MBNL1: variants seen among roughly 807,000 people sequenced by gnomAD.
The protein encoded by MBNL1 is muscleblind-like protein 1.
In MBNL1, 8 loss-of-function variants were observed where a neutral mutation model predicts 42.2. The observed-to-expected ratio is 0.19, with a 90% CI of 0.11 to 0.34. MBNL1 has a LOEUF of 0.34. MBNL1 is among the 10% of genes least tolerant of loss of function. The pLI, the probability that MBNL1 is intolerant of heterozygous loss-of-function variation, is 1.00. For missense variants in MBNL1, 309 were observed against 495.3 expected (o/e 0.62, Z 3.57); for synonymous variants, 169 against 173.9 (o/e 0.97, Z 0.22).
At chr3:152,389,588 C>G (rs1163910064) in intron 2 of MBNL1, among the ~76,000 whole-genome samples, 2 of 152,062 alleles carry the variant, frequency 1.3e-5, no homozygotes, top group African/African-American at 4.8e-5. Context: ...GTACTGAATA[C>G]CAAGGGCAAT....
chr3:152,415,392 C>T (rs1246951382), intron 3 of MBNL1, among the ~76,000 whole-genome samples: 1 of 152,006 alleles, frequency 6.6e-6, no homozygotes, highest in African/African-American at 2.4e-5. Flanking sequence ...TGTTAAAATG[C>T]TCTGTGTTAC....
intron 2 of MBNL1, among the ~76,000 whole-genome samples, chr3:152,327,767 A>G (rs1000683005): frequency 3.3e-5 from 5 of 151,826 alleles, no homozygotes; most frequent in East Asian, 1.9e-4. Flanking sequence ...ATCATATACT[A>G]TATTTTTTTC....
rs1163714247 is a variant in MBNL1 at position 152,464,797 on chromosome 3, A to G, written c.*2431A>G. 6.6e-6 allele frequency: 1 copy of G among 152,662 alleles called. No individual in the cohort carries two copies. The highest frequency in any genetic ancestry group is 1.5e-5 in the Non-Finnish European group (1 of 68,034). The allele number at this position is 152,662 out of a possible 1,614,324, so 9.5% of individuals were successfully genotyped here. On this transcript the variant is annotated 3_prime_UTR_variant, in exon 10 of 10. Coordinates refer to ENST00000324210, the MANE Select transcript of MBNL1 (RefSeq NM_021038.5). The stretch of plus-strand genomic sequence containing the variant: ...ATTTAGCATGTTGGAACGTCTAGGG[A>G]GAAGGTTGACTTTTTGCACTTCTGT...
chr3:152,386,311 G>T (rs975470402), intron 2 of MBNL1, among the ~76,000 whole-genome samples: 3 of 151,996 alleles, frequency 2.0e-5, no homozygotes, highest in African/African-American at 7.2e-5. Flanking sequence ...TTGGGAAACT[G>T]TTACACCCTT....
intron 1 of MBNL1, among the ~76,000 whole-genome samples, chr3:152,276,321 T>C (rs997096193): frequency 1.3e-5 from 2 of 152,158 alleles, no homozygotes; most frequent in African/African-American, 2.4e-5. Flanking sequence ...AGAACAACCC[T>C]ATGGTATAGG....
At chr3:152,248,887 G>A (rs1483233902) in intron 2 of MBNL1, among the ~76,000 whole-genome samples, 5 of 151,818 alleles carry the variant, frequency 3.3e-5, no homozygotes, top group South Asian at 4.2e-4. Flanking sequence ...TTGTTCTTGC[G>A]ATAGTTTACT....
At chr3:152,276,301 T>C (rs896663665) in intron 1 of MBNL1, among the ~76,000 whole-genome samples, 5 of 152,180 alleles carry the variant, frequency 3.3e-5, no homozygotes, top group African/African-American at 9.6e-5. Context: ...AATTAATTCA[T>C]TTATTCCTCA....
intron 1 of MBNL1, among the ~76,000 whole-genome samples, chr3:152,297,158 G>C (rs1227826624): frequency 6.6e-6 from 1 of 151,838 alleles, no homozygotes; most frequent in Non-Finnish European, 1.5e-5. Flanking sequence ...CCATGCAGGT[G>C]GTCCATTCTC....
chr3:152,261,017 A>G (rs919169292), intron 2 of MBNL1, among the ~76,000 whole-genome samples: 1 of 152,180 alleles, frequency 6.6e-6, no homozygotes, highest in Non-Finnish European at 1.5e-5. Flanking sequence ...TTACTTGCCA[A>G]AGGAAAAAAT....
chr3:152,397,786 A>G (rs2098038997), intron 2 of MBNL1, among the ~76,000 whole-genome samples: 1 of 152,180 alleles, frequency 6.6e-6, no homozygotes, highest in South Asian at 2.1e-4. Flanking sequence ...CAATTCACAC[A>G]TGTAGAGAGG....
chr3:152,383,007 C>T (rs1021400559), intron 2 of MBNL1, among the ~76,000 whole-genome samples: 6 of 152,022 alleles, frequency 3.9e-5, no homozygotes, highest in Admixed American at 6.6e-5. Flanking sequence ...TGCCTGATTC[C>T]GTCTTTGGAC....
intron 2 of MBNL1, among the ~76,000 whole-genome samples, chr3:152,399,092 T>C (rs2098111623): frequency 6.6e-6 from 1 of 152,226 alleles, no homozygotes; most frequent in Non-Finnish European, 1.5e-5. Flanking sequence ...TATGCGTGCC[T>C]TGTTTCCTTT....
intron 2 of MBNL1, among the ~76,000 whole-genome samples, chr3:152,358,618 A>G (rs1475495886): frequency 6.6e-6 from 1 of 151,904 alleles, no homozygotes; most frequent in Non-Finnish European, 1.5e-5. Context: ...CCTTTTATTC[A>G]TGTTGCTAAA....
At chr3:152,269,499 C>T (rs759579506) in intron 1 of MBNL1, 3 of 455,196 alleles carry the variant, frequency 6.6e-6, no homozygotes, top group South Asian at 3.1e-5. Flanking sequence ...TTCCCGGCGG[C>T]TCCCGCATCC....
At chr3:152,331,025 A>G (rs1442429224) in intron 2 of MBNL1, among the ~76,000 whole-genome samples, 1 of 152,128 alleles carries the variant, frequency 6.6e-6, no homozygotes, top group Non-Finnish European at 1.5e-5. Flanking sequence ...TAACTTTTGC[A>G]GAAAGTAACC....
intron 6 of MBNL1, among the ~76,000 whole-genome samples, chr3:152,454,392 T>C (rs1209857961): frequency 6.6e-6 from 1 of 152,206 alleles, no homozygotes; most frequent in Non-Finnish European, 1.5e-5. Context: ...TAACAAATGT[T>C]CGTCCCAGAT....
chr3:152,264,652 A>G (rs1000459920), upstream of MBNL1: 7 of 152,216 alleles, frequency 4.6e-5, no homozygotes, highest in African/African-American at 1.7e-4. Flanking sequence ...GCTCTCTAAC[A>G]TTCCATTCAA....
At chr3:152,326,353 A>G (rs1249344944) in intron 2 of MBNL1, among the ~76,000 whole-genome samples, 3 of 152,098 alleles carry the variant, frequency 2.0e-5, no homozygotes, top group Non-Finnish European at 4.4e-5. Flanking sequence ...TATACTTTCT[A>G]TTTCATCATA....
intron 2 of MBNL1, among the ~76,000 whole-genome samples, chr3:152,396,672 A>C (rs745782422): frequency 4.6e-5 from 7 of 152,178 alleles, no homozygotes; most frequent in Non-Finnish European, 1.0e-4. Flanking sequence ...ATCCTATATT[A>C]AGCTTTATTG....
Sources: allele counts gnomAD v4.1 joint callset (sites outside exome capture counted in the v4.1 genomes callset), GRCh38; gene constraint gnomAD v4.1.1; transcripts MANE v1.5; gene names NCBI Gene and HGNC (gene_info 2026-07-23, HGNC 2026-07-21).